Variants in TTLL7 observed in about 807,000 individuals in gnomAD.
The protein encoded by TTLL7 is tubulin tyrosine ligase like 7, also known as tubulin polyglutamylase TTLL7.
In TTLL7, 53 loss-of-function variants were observed where a neutral mutation model predicts 120.2. The ratio of observed to expected loss-of-function variants is 0.44; its 90% CI spans 0.35 to 0.55. The LOEUF is 0.55. TTLL7 is among the 20% of genes least tolerant of loss of function. The pLI is 0.00. For missense variants in TTLL7, 803 were observed against 1,054.7 expected (o/e 0.76, Z 3.31); for synonymous variants, 353 against 351.7 (o/e 1.00, Z -0.04).
At position 83,866,814 on chromosome 1, in the gene TTLL7, G is replaced by C. The variant is rs187504900; in HGVS notation, c.*3148C>G. 1 of 151,900 alleles carries C rather than the reference G, an allele frequency of 6.6e-6. No homozygotes were observed. The highest frequency in any genetic ancestry group is 1.5e-5 in the Non-Finnish European group (1 of 67,816). The allele number at this position is 151,900 out of a possible 1,614,324, so 9.4% of individuals were successfully genotyped here. On this transcript the variant is annotated 3_prime_UTR_variant, in exon 21 of 21. Transcript: ENST00000260505. ...AATAGTTTCTTCAATAGATTATATA[G>C]AGCAAATGGTAACTAATCTATAATG...
chr1:83,996,038 A>G (rs1412230989), intron 1 of TTLL7, among the ~76,000 whole-genome samples: 2 of 152,192 alleles, frequency 1.3e-5, no homozygotes, highest in African/African-American at 4.8e-5. Context: ...TAATATAGAT[A>G]CCATAATTAA....
intron 1 of TTLL7, chr1:83,980,508 G>C (rs541346909): frequency 1.3e-5 from 2 of 152,202 alleles, no homozygotes; most frequent in Non-Finnish European, 2.9e-5. Context: ...CTGAAAGAAA[G>C]TAACTGTTAA....
chr1:83,894,217 A>G (rs1204455998), intron 18 of TTLL7, among the ~76,000 whole-genome samples: 1 of 152,124 alleles, frequency 6.6e-6, no homozygotes, highest in Non-Finnish European at 1.5e-5. Flanking sequence ...GTCATAATGC[A>G]GAAAGGAAAG....
chr1:83,917,815 GA>G, intron 13 of TTLL7, 125 bp from the exon 14 acceptor site: 1 of 641,254 alleles, frequency 1.6e-6, no homozygotes, highest in Non-Finnish European at 2.7e-6. Flanking sequence ...AGATTGCTCA[GA>G]AAAAAGGAGA....
At chr1:83,949,742 G>C (rs938682240) in intron 4 of TTLL7, 123 bp downstream of exon 4, 3 of 1,042,492 alleles carry the variant, frequency 2.9e-6, no homozygotes, top group Non-Finnish European at 4.2e-6. Context: ...AACAAAACAG[G>C]CTATTCAGGT....
intron 7 of TTLL7, 142 bp from the exon 8 acceptor site, chr1:83,938,158 T>C (rs1647596526): frequency 1.4e-6 from 1 of 711,804 alleles, no homozygotes; most frequent in African/African-American, 1.8e-5. Context: ...ATTATTTAGA[T>C]AATATCCCAA....
intron 1 of TTLL7, among the ~76,000 whole-genome samples, chr1:83,984,568 T>C (rs1423598003): frequency 6.6e-6 from 1 of 152,230 alleles, no homozygotes; most frequent in African/African-American, 2.4e-5. Context: ...ATGTGGTACA[T>C]ATACACATGG....
chr1:83,975,448 A>G (rs548965090), intron 1 of TTLL7, among the ~76,000 whole-genome samples: 1 of 152,100 alleles, frequency 6.6e-6, no homozygotes, highest in East Asian at 1.9e-4. Context: ...AAAGGGGTTT[A>G]GGAACTTGTC....
chr1:83,942,566 T>A lies in TTLL7; in HGVS notation c.620A>T (p.Tyr207Phe), dbSNP rs1464691761. The change falls in exon 7 of 21, where the codon TAT becomes TTT. Residue 207 changes from tyrosine (Y) to phenylalanine (F), a missense_variant. This residue lies in a region of TTLL7 where 324 missense variants were observed against 507.7 expected (regional missense o/e 0.64). Coordinates refer to ENST00000260505, the MANE Select transcript of TTLL7 (RefSeq NM_024686.6). ...MEGYKFDLRI[Y>F]ILVTSCDPLK... ...TGGATCACACGATGTAACCAGAATA[T>A]AAATTCGTAAGTCAAACTTGTAACC... 1 of 1,613,922 alleles carries A rather than the reference T, an allele frequency of 6.2e-7. No individual in the cohort carries two copies. The highest frequency in any genetic ancestry group is 8.5e-7 in the Non-Finnish European group (1 of 1,179,938).
intron 8 of TTLL7, among the ~76,000 whole-genome samples, chr1:83,937,489 C>T (rs984860807): frequency 1.3e-5 from 2 of 152,144 alleles, no homozygotes; most frequent in African/African-American, 4.8e-5. Flanking sequence ...AGGCGTGAGC[C>T]ACTGTGCCCG....
At chr1:83,967,987 C>A (rs1319014214) in intron 1 of TTLL7, among the ~76,000 whole-genome samples, 1 of 151,934 alleles carries the variant, frequency 6.6e-6, no homozygotes, top group Non-Finnish European at 1.5e-5. Flanking sequence ...TAAGAACAGT[C>A]GGGATGGCAT....
At chr1:83,894,931 T>C (rs984739937) in intron 18 of TTLL7, among the ~76,000 whole-genome samples, 1 of 152,182 alleles carries the variant, frequency 6.6e-6, no homozygotes, top group Admixed American at 6.6e-5. Flanking sequence ...TTGGAGGGCA[T>C]GGAACAACAG....
At chr1:83,994,271 C>T (rs866745023) in intron 1 of TTLL7, among the ~76,000 whole-genome samples, 1 of 152,302 alleles carries the variant, frequency 6.6e-6, no homozygotes, top group Middle Eastern at 3.4e-3. Context: ...TAGTTGTGCC[C>T]TCAGGCACAT....
At chr1:83,962,645 C>T (rs1420201218) in intron 1 of TTLL7, among the ~76,000 whole-genome samples, 2 of 152,138 alleles carry the variant, frequency 1.3e-5, no homozygotes, top group African/African-American at 4.8e-5. Flanking sequence ...AACTACATTT[C>T]CCAGACTTCC....
intron 1 of TTLL7, among the ~76,000 whole-genome samples, chr1:83,984,812 C>T (rs1652295320): frequency 6.6e-6 from 1 of 152,148 alleles, no homozygotes; most frequent in African/African-American, 2.4e-5. Flanking sequence ...TGAAAAACTA[C>T]TGATTGGGTA....
chr1:83,906,615 T>G, intron 16 of TTLL7, 152 bp from the exon 17 acceptor site: 2 of 1,071,698 alleles, frequency 1.9e-6, no homozygotes, highest in Non-Finnish European at 2.7e-6. Flanking sequence ...ACTTGTGAAT[T>G]CTTTGGATTA....
In TTLL7 at chr1:83,919,259, A is replaced by AGTGTGTGTGT. The variant is rs111745254; in HGVS notation, c.1500+430_1500+439dup. Among the ~76,000 whole-genome samples, 817 of 147,046 alleles carry AGTGTGTGTGT rather than the reference A, an allele frequency of 5.6e-3. 23 individuals are homozygous for AGTGTGTGTGT. Among genetic ancestry groups the AGTGTGTGTGT allele is most frequent in the Admixed American group, 0.038 (561 of 14,678 alleles). The stretch of plus-strand genomic sequence containing the variant: ...CCTTTTACTATGGTGTACAGATTAG[A>AGTGTGTGTGT]GTGTGTGTGTGTGTGTGTGTGTGTG... On this transcript the variant is annotated intron_variant, in intron 13 of 20. Coordinates refer to ENST00000260505, the MANE Select transcript of TTLL7 (RefSeq NM_024686.6).
intron 14 of TTLL7, among the ~76,000 whole-genome samples, chr1:83,911,730 A>G (rs1479828232): frequency 1.4e-5 from 2 of 142,730 alleles, no homozygotes; most frequent in Non-Finnish European, 3.1e-5. Flanking sequence ...TTACTCATCA[A>G]GACTCAGAGA....
In TTLL7 at chr1:83,892,924, A is replaced by AAG. The variant is rs1304872112; in HGVS notation, c.2209-2444_2209-2443insCT. On this transcript the variant is annotated intron_variant, in intron 18 of 20. Coordinates refer to ENST00000260505, the MANE Select transcript of TTLL7 (RefSeq NM_024686.6). The stretch of plus-strand genomic sequence containing the variant: ...AAGAAGGAAAAAGAAAAAAGAAAGA[A>AAG]AAAGAGAAAGAAAGAAAGAAAGAAA... Among the ~76,000 whole-genome samples, 70 of 78,966 alleles carry AAG rather than the reference A, an allele frequency of 8.9e-4. 2 individuals carry two copies. In the East Asian group the frequency reaches 0.014, roughly 15 times the overall value. The allele number at this position is 78,966 out of a possible 152,430, so 51.8% of individuals were successfully genotyped here. A position where few individuals can be genotyped will look rare whatever the true frequency, so the allele number is the denominator to read the frequency against.
Sources: gnomAD v4.1 joint callset for allele counts (sites outside exome capture counted in the v4.1 genomes callset) on GRCh38, gnomAD v4.1.1 for gene constraint, gnomAD v4.1.1 regional missense constraint, MANE v1.5 for transcripts, NCBI Gene and HGNC (gene_info 2026-07-23, HGNC 2026-07-21) for gene names.